SATL1: variants seen among roughly 807,000 people sequenced by gnomAD.
SATL1 encodes spermidine/spermine N1-acetyl transferase like 1.
SATL1 carries 47 observed loss-of-function variants against 51.8 expected under a neutral mutation model. The ratio of observed to expected loss-of-function variants is 0.91; its 90% CI spans 0.72 to 1.16. SATL1 has a LOEUF of 1.16. Ranked by LOEUF, SATL1 falls within the 50% of genes most tolerant of loss-of-function variation. The pLI is 0.00. For synonymous variants in SATL1, 176 were observed against 182.4 expected (o/e 0.97, Z 0.28); for missense variants, 520 against 526.4 (o/e 0.99, Z 0.12).
chrX:85,137,890 G>A, intron 2 of SATL1, among the ~76,000 whole-genome samples: 1 of 111,057 alleles, frequency 9.0e-6, no homozygotes, highest in East Asian at 2.8e-4. Flanking sequence ...TTTCTACTGA[G>A]ATATTTTTCA....
At chrX:85,166,761 C>T (rs987564944) in intron 2 of SATL1, among the ~76,000 whole-genome samples, 1 of 110,165 alleles carries the variant, frequency 9.1e-6, no homozygotes, top group African/African-American at 3.3e-5. Context: ...TTTGATCCAG[C>T]AATCCCGCTG....
chrX:85,098,513 T>C (rs1924797862), intron 4 of SATL1, among the ~76,000 whole-genome samples: 1 of 111,965 alleles, frequency 8.9e-6, no homozygotes, highest in Non-Finnish European at 1.9e-5. Context: ...CACATTTTTT[T>C]CCCTCAAGTA....
intron 2 of SATL1, among the ~76,000 whole-genome samples, chrX:85,215,813 C>T (rs780631930): frequency 4.5e-5 from 5 of 112,299 alleles, no homozygotes; most frequent in Non-Finnish European, 7.5e-5. Context: ...TAAGAAGTTC[C>T]AAACTTTCAC....
intron 1 of SATL1, among the ~76,000 whole-genome samples, chrX:85,235,353 G>T (rs1484194324): frequency 9.0e-6 from 1 of 110,923 alleles, no homozygotes; most frequent in Admixed American, 9.6e-5. Context: ...TAGACCAAAT[G>T]AACCTAATAG....
At chrX:85,192,886 T>C (rs1423369601) in intron 2 of SATL1, among the ~76,000 whole-genome samples, 1 of 111,937 alleles carries the variant, frequency 8.9e-6, no homozygotes, top group East Asian at 2.8e-4. Context: ...ACAGATAATA[T>C]ACTAGAAATA....
At chrX:85,211,555 T>A (rs1474862626) in intron 2 of SATL1, 2 of 111,759 alleles carry the variant, frequency 1.8e-5, no homozygotes, top group South Asian at 7.4e-4. Flanking sequence ...CTGAGTTATT[T>A]TTGTCTTCTG....
At chrX:85,226,972 C>A (rs1388779213) in intron 1 of SATL1, among the ~76,000 whole-genome samples, 2 of 111,248 alleles carry the variant, frequency 1.8e-5, no homozygotes, top group Non-Finnish European at 3.8e-5. Flanking sequence ...ATAATCACTC[C>A]CTTGTATATG....
intron 2 of SATL1, among the ~76,000 whole-genome samples, chrX:85,129,206 G>T: frequency 8.9e-6 from 1 of 111,736 alleles, no homozygotes; most frequent in Non-Finnish European, 1.9e-5. Flanking sequence ...AGCTTGATGG[G>T]GATGGCATTG....
chrX:85,174,409 G>T (rs1004942036), intron 2 of SATL1, among the ~76,000 whole-genome samples: 1 of 107,635 alleles, frequency 9.3e-6, no homozygotes, highest in African/African-American at 3.4e-5. Context: ...TGCAACCTCC[G>T]CCTCCTGGGT....
chrX:85,225,219 A>G (rs1928254020), intron 1 of SATL1, among the ~76,000 whole-genome samples: 2 of 111,984 alleles, frequency 1.8e-5, no homozygotes, highest in Admixed American at 1.9e-4. Context: ...GGATACATGA[A>G]CTTACACATA....
chrX:85,138,489 G>A (rs1053157230), intron 2 of SATL1, among the ~76,000 whole-genome samples: 2 of 111,463 alleles, frequency 1.8e-5, no homozygotes, highest in African/African-American at 3.3e-5. Context: ...AATGTGACTC[G>A]GGAGTTTTTT....
intron 2 of SATL1, among the ~76,000 whole-genome samples, chrX:85,163,667 G>C (rs1040021036): frequency 9.0e-6 from 1 of 111,573 alleles, no homozygotes. Flanking sequence ...ATTGAGACTT[G>C]TTTTGTGGCC....
chrX:85,121,491 T>TTAGTATATAGTATA (rs1290246135), intron 2 of SATL1, among the ~76,000 whole-genome samples: 2 of 104,405 alleles, frequency 1.9e-5, no homozygotes, highest in South Asian at 8.1e-4. Context: ...CTATTTCTTG[T>TTAGTATATAGTATA]TAGTATATAG....
rs771221612 is a variant in SATL1, at chrX:85,161,204, A to T, written c.-312-51924T>A. Among the ~76,000 whole-genome samples, 4 of 109,037 alleles carry T rather than the reference A, an allele frequency of 3.7e-5. No homozygotes were observed. The East Asian group carries it at 1.1e-3, about 31-fold the overall frequency. The allele number at this position is 109,037 out of a possible 115,157, so 94.7% of individuals were successfully genotyped here. ...AGGAAAGACCAGCCACTACAAAAAC[A>T]CACTGAAATACACAGACCAGTGACA... On this transcript the variant is annotated intron_variant, in intron 2 of 7. Coordinates refer to ENST00000644105, the MANE Select transcript of SATL1 (RefSeq NM_001367857.2).
chrX:85,154,283 T>C (rs1020972691), intron 2 of SATL1, among the ~76,000 whole-genome samples: 1 of 110,705 alleles, frequency 9.0e-6, no homozygotes, highest in Non-Finnish European at 1.9e-5. Flanking sequence ...CGGCGTACCA[T>C]TACCTCCCAC....
chrX:85,177,569 GT>G (rs1927108289), intron 2 of SATL1, among the ~76,000 whole-genome samples: 1 of 111,202 alleles, frequency 9.0e-6, no homozygotes, highest in African/African-American at 3.3e-5. Flanking sequence ...GTAGGAAGAT[GT>G]TTCTCTCTTT....
intron 1 of SATL1, among the ~76,000 whole-genome samples, chrX:85,234,086 A>C (rs1290007373): frequency 2.7e-5 from 3 of 111,556 alleles, no homozygotes; most frequent in African/African-American, 9.8e-5. Flanking sequence ...ACTCCAATAC[A>C]TCTGTCAGAA....
intron 2 of SATL1, 114 bp downstream of exon 2, chrX:85,224,091 C>T (rs1171542523): frequency 8.9e-6 from 1 of 111,759 alleles, no homozygotes; most frequent in Non-Finnish European, 1.9e-5. Flanking sequence ...AATTGGGTTA[C>T]ATAAAACAGC....
chrX:85,228,134 A>G lies in SATL1; in HGVS notation c.-434-3808T>C, dbSNP rs186029314. 2.7e-5 allele frequency among the ~76,000 whole-genome samples: 3 copies of G among 111,205 alleles called. No individual in the cohort carries two copies. In the East Asian group the frequency reaches 8.5e-4, roughly 32 times the overall value. ...ACTTTCATAAATTTTTGGAACTTCC[A>G]TAATGATGAATTTCTTAAAGGAGAG... On this transcript the variant is annotated intron_variant, in intron 1 of 7. Coordinates refer to ENST00000644105, the MANE Select transcript of SATL1 (RefSeq NM_001367857.2).
Sources: allele counts gnomAD v4.1 joint callset (sites outside exome capture counted in the v4.1 genomes callset), GRCh38; gene constraint gnomAD v4.1.1; transcripts MANE v1.5; gene names NCBI Gene and HGNC (gene_info 2026-07-23, HGNC 2026-07-21).